Variants in CSMD3 observed in about 807,000 individuals in gnomAD.
CSMD3 encodes CUB and Sushi multiple domains 3, also known as CUB and sushi domain-containing protein 3.
In CSMD3, 177 loss-of-function variants were observed where a neutral mutation model predicts 435.2. The ratio of observed to expected loss-of-function variants is 0.41; its 90% CI spans 0.36 to 0.46. The LOEUF is 0.46. CSMD3 is among the 20% of genes least tolerant of loss of function. The probability of loss-of-function intolerance (pLI) is 0.34; values close to 1 mark genes in which losing one functional copy is unlikely to be tolerated. For missense variants in CSMD3, 4,265 were observed against 4,504.6 expected (o/e 0.95, Z 1.52); for synonymous variants, 1,656 against 1,520.5 (o/e 1.09, Z -2.07).
chr8:113,141,720 T>C (rs1048602571), intron 4 of CSMD3, among the ~76,000 whole-genome samples: 10 of 151,084 alleles, frequency 6.6e-5, no homozygotes, highest in African/African-American at 2.2e-4. Flanking sequence ...AACCTATAGA[T>C]AAATTTGTAC....
chr8:112,707,943 G>A (rs1439313470), intron 13 of CSMD3, among the ~76,000 whole-genome samples: 1 of 152,058 alleles, frequency 6.6e-6, no homozygotes, highest in Non-Finnish European at 1.5e-5. Flanking sequence ...GCCAGACATA[G>A]TCTGCACATA....
chr8:112,737,207 AAC>A, intron 13 of CSMD3, among the ~76,000 whole-genome samples: 1 of 152,034 alleles, frequency 6.6e-6, no homozygotes, highest in South Asian at 2.1e-4. Context: ...CAACATATAT[AAC>A]ACAATATATT....
At chr8:113,240,581 G>A (rs1389114112) in intron 3 of CSMD3, among the ~76,000 whole-genome samples, 6 of 151,972 alleles carry the variant, frequency 3.9e-5, no homozygotes, top group Admixed American at 3.9e-4. Flanking sequence ...AATTAATATA[G>A]TTTCACAAAA....
At chr8:112,769,121 T>C (rs1424243160) in intron 13 of CSMD3, among the ~76,000 whole-genome samples, 2 of 151,970 alleles carry the variant, frequency 1.3e-5, no homozygotes, top group Non-Finnish European at 2.9e-5. Flanking sequence ...CTTGCTCTAA[T>C]ATGGAATGAT....
Position 112,263,622 on chromosome 8 carries a change from G to A in CSMD3, c.9862+17C>T, listed in dbSNP as rs1311639619. 3 of 1,610,060 alleles carry A rather than the reference G, an allele frequency of 1.9e-6. No homozygotes were observed. Among genetic ancestry groups the A allele is most frequent in the Non-Finnish European group, 2.5e-6 (3 of 1,177,478 alleles). ...TGAAAATTTTAAGTAACAGTTGTTA[G>A]TAGAAATCATACTTACGTAAGCACT... is the stretch of plus-strand genomic sequence containing the variant. On this transcript the variant is annotated intron_variant, in intron 61 of 70. Coordinates refer to ENST00000297405, the MANE Select transcript of CSMD3 (RefSeq NM_198123.2).
intron 17 of CSMD3, among the ~76,000 whole-genome samples, chr8:112,657,950 T>A (rs1268078116): frequency 2.6e-5 from 4 of 152,238 alleles, no homozygotes; most frequent in Admixed American, 1.3e-4. Flanking sequence ...TTAAGCAGTG[T>A]GTTTTTGTCA....
At chr8:113,115,827 T>C (rs1380821875) in intron 4 of CSMD3, among the ~76,000 whole-genome samples, 1 of 152,196 alleles carries the variant, frequency 6.6e-6, no homozygotes, top group Non-Finnish European at 1.5e-5. Flanking sequence ...AATCTTATCT[T>C]CTGAGGCAAT....
chr8:112,500,233 A>C (rs1015316069), intron 30 of CSMD3, among the ~76,000 whole-genome samples: 2 of 152,236 alleles, frequency 1.3e-5, no homozygotes, highest in African/African-American at 4.8e-5. Flanking sequence ...AAACAGTGTT[A>C]ACAAAAATAT....
chr8:113,267,166 C>T (rs1309433643), intron 3 of CSMD3, among the ~76,000 whole-genome samples: 1 of 151,634 alleles, frequency 6.6e-6, no homozygotes, highest in African/African-American at 2.4e-5. Flanking sequence ...GGTACTAGTA[C>T]AGCCACTATA....
chr8:112,403,896 T>C (rs1235823240), intron 35 of CSMD3, among the ~76,000 whole-genome samples: 1 of 151,972 alleles, frequency 6.6e-6, no homozygotes. Flanking sequence ...AATTGGAGAG[T>C]CATTTACAGT....
At chr8:113,350,220 C>T (rs148623952) in intron 1 of CSMD3, among the ~76,000 whole-genome samples, 341 of 151,962 alleles carry the variant, frequency 2.2e-3, no homozygotes, top group African/African-American at 7.9e-3. Flanking sequence ...CCAGACAGCC[C>T]AGAGAATGGT....
intron 32 of CSMD3, among the ~76,000 whole-genome samples, chr8:112,468,431 C>T (rs72676616): frequency 0.19 from 28,078 of 151,164 alleles, 3,178 homozygotes; most frequent in Middle Eastern, 0.36. Flanking sequence ...TATGTTTCTT[C>T]TCAGCCAGGA....
intron 2 of CSMD3, among the ~76,000 whole-genome samples, chr8:113,308,438 T>G (rs928620312): frequency 2.0e-5 from 3 of 151,714 alleles, no homozygotes; most frequent in Admixed American, 2.0e-4. Flanking sequence ...CCGGCTGATT[T>G]TTTGTATTTT....
At chr8:112,878,334 C>T (rs1035896816) in intron 10 of CSMD3, among the ~76,000 whole-genome samples, 1 of 152,138 alleles carries the variant, frequency 6.6e-6, no homozygotes, top group African/African-American at 2.4e-5. Context: ...CATCACTTGT[C>T]ATTAGGAAAA....
At chr8:112,938,087 T>C (rs2130749340) in intron 9 of CSMD3, among the ~76,000 whole-genome samples, 1 of 152,252 alleles carries the variant, frequency 6.6e-6, no homozygotes, top group Non-Finnish European at 1.5e-5. Context: ...AGAAATGTAA[T>C]TCTCTGCAAG....
At chr8:113,154,600 C>A (rs2091896301) in intron 4 of CSMD3, among the ~76,000 whole-genome samples, 1 of 151,802 alleles carries the variant, frequency 6.6e-6, no homozygotes, top group African/African-American at 2.4e-5. Context: ...GTATTCAGGG[C>A]AGTAGAAGAA....
At chr8:112,291,472 G>A (rs1241721591) in intron 56 of CSMD3, 38 bp downstream of exon 56, 14 of 1,350,876 alleles carry the variant, frequency 1.0e-5, no homozygotes, top group Non-Finnish European at 1.5e-5. Flanking sequence ...TGGTTTCCAT[G>A]ACATGTTCTC....
At chr8:112,593,071 T>C (rs1831336051) in intron 22 of CSMD3, among the ~76,000 whole-genome samples, 1 of 152,172 alleles carries the variant, frequency 6.6e-6, no homozygotes, top group African/African-American at 2.4e-5. Context: ...AAAGAAGGGA[T>C]TCCAGGCAGA....
intron 36 of CSMD3, among the ~76,000 whole-genome samples, chr8:112,384,914 A>T (rs1829800056): frequency 6.6e-6 from 1 of 152,222 alleles, no homozygotes; most frequent in Non-Finnish European, 1.5e-5. Context: ...TCAGCTTTTT[A>T]AAAAATGTGA....
Sources: gnomAD v4.1 joint callset for allele counts (sites outside exome capture counted in the v4.1 genomes callset) on GRCh38, gnomAD v4.1.1 for gene constraint, MANE v1.5 for transcripts, NCBI Gene and HGNC (gene_info 2026-07-23, HGNC 2026-07-21) for gene names.